The following SPMIP2 variants were observed in gnomAD, a reference collection of about 807,000 sequenced individuals.
The protein encoded by SPMIP2 is protein SPMIP2.
chr4:158,981,514 G>C, the SPMIP2 span, among the ~76,000 whole-genome samples: 1 of 152,158 alleles, frequency 6.6e-6, no homozygotes, highest in East Asian at 1.9e-4. Context: ...TCTCTCTGCA[G>C]AAACCCTACA....
the SPMIP2 span, among the ~76,000 whole-genome samples, chr4:159,009,362 T>C: frequency 6.6e-6 from 1 of 152,202 alleles, no homozygotes; most frequent in African/African-American, 2.4e-5. Flanking sequence ...GGCTTAGCAA[T>C]CTGTCTTAAC....
At chr4:158,919,085 G>C in the SPMIP2 span, among the ~76,000 whole-genome samples, 8 of 152,172 alleles carry the variant, frequency 5.3e-5, no homozygotes, top group African/African-American at 1.9e-4. Context: ...AGTACTGGTT[G>C]TTGACAGGAT....
the SPMIP2 span, chr4:158,960,307 G>A: frequency 6.4e-7 from 1 of 1,560,884 alleles, no homozygotes; most frequent in Middle Eastern, 1.7e-4. Context: ...ATATCTGTGG[G>A]TTATTGAATC....
chr4:158,965,000 A>G, the SPMIP2 span, among the ~76,000 whole-genome samples: 1 of 152,164 alleles, frequency 6.6e-6, no homozygotes, highest in Non-Finnish European at 1.5e-5. Flanking sequence ...TGAGATTTGG[A>G]TGGGGACAAT....
chr4:159,023,314 C>A, the SPMIP2 span, among the ~76,000 whole-genome samples: 1 of 152,150 alleles, frequency 6.6e-6, no homozygotes, highest in South Asian at 2.1e-4. Flanking sequence ...TTGTGCTCCA[C>A]TTGGACCCTC....
the SPMIP2 span, among the ~76,000 whole-genome samples, chr4:158,949,231 G>A: frequency 6.6e-6 from 1 of 152,102 alleles, no homozygotes; most frequent in South Asian, 2.1e-4. Flanking sequence ...TTAATAGACT[G>A]GCCTGCTTTG....
the SPMIP2 span, among the ~76,000 whole-genome samples, chr4:158,991,200 C>A: frequency 3.4e-3 from 498 of 146,696 alleles, 4 homozygotes; most frequent in African/African-American, 0.012. Flanking sequence ...AGCCCCAGAA[C>A]CAAAATGAGT....
At chr4:158,951,532 C>T in the SPMIP2 span, among the ~76,000 whole-genome samples, 7 of 152,194 alleles carry the variant, frequency 4.6e-5, no homozygotes, top group South Asian at 2.1e-4. Flanking sequence ...ACAGATTGAT[C>T]GAATGAAGAA....
chr4:158,999,590 T>C, the SPMIP2 span, among the ~76,000 whole-genome samples: 3 of 152,222 alleles, frequency 2.0e-5, no homozygotes, highest in Non-Finnish European at 4.4e-5. Flanking sequence ...AACAGAATCT[T>C]TACATTTTTT....
chr4:158,905,792 TAA>T, the SPMIP2 span: 4 of 151,844 alleles, frequency 2.6e-5, no homozygotes, highest in African/African-American at 9.7e-5. Flanking sequence ...CAGGGTAAAG[TAA>T]AAGACTTTTA....
the SPMIP2 span, among the ~76,000 whole-genome samples, chr4:159,009,287 C>T: frequency 6.6e-6 from 1 of 152,190 alleles, no homozygotes; most frequent in Non-Finnish European, 1.5e-5. Context: ...CATTGGGGAA[C>T]TTATTAAAAA....
chr4:158,961,578 T>G, the SPMIP2 span, among the ~76,000 whole-genome samples: 3 of 152,154 alleles, frequency 2.0e-5, no homozygotes. Context: ...TATTATCAGC[T>G]TATCCATTGA....
the SPMIP2 span, among the ~76,000 whole-genome samples, chr4:158,962,255 A>G: frequency 2.6e-5 from 4 of 152,312 alleles, no homozygotes; most frequent in African/African-American, 9.6e-5. Context: ...TTTAATCTCT[A>G]GTCTAGTCCT....
the SPMIP2 span, among the ~76,000 whole-genome samples, chr4:159,044,049 G>GT: frequency 5.3e-5 from 8 of 151,914 alleles, no homozygotes; most frequent in African/African-American, 1.9e-4. Flanking sequence ...GAAAATTTTC[G>GT]TTTTTTAGCA....
At chr4:158,952,081 G>A in the SPMIP2 span, among the ~76,000 whole-genome samples, 1 of 152,164 alleles carries the variant, frequency 6.6e-6, no homozygotes, top group African/African-American at 2.4e-5. Context: ...TTAAGGATTT[G>A]TATTTAGGTA....
the SPMIP2 span, chr4:159,038,824 G>A: frequency 6.6e-6 from 1 of 152,402 alleles, no homozygotes; most frequent in Non-Finnish European, 1.5e-5. Flanking sequence ...CAAAAGGCTA[G>A]GAGGGGAGAA....
At chr4:159,017,477 T>C in the SPMIP2 span, among the ~76,000 whole-genome samples, 1 of 151,996 alleles carries the variant, frequency 6.6e-6, no homozygotes, top group Non-Finnish European at 1.5e-5. Context: ...GAGTCTCACT[T>C]CATTGCCCAA....
the SPMIP2 span, among the ~76,000 whole-genome samples, chr4:158,981,662 A>AT: frequency 7.2e-5 from 11 of 152,162 alleles, no homozygotes; most frequent in African/African-American, 1.9e-4. Context: ...ATGCTGAGGG[A>AT]TTTTGTCACC....
chr4:159,040,336 T>A, the SPMIP2 span, among the ~76,000 whole-genome samples: 17 of 151,942 alleles, frequency 1.1e-4, no homozygotes, highest in Admixed American at 9.2e-4. Context: ...CATACCTGGC[T>A]AATTTTTTGC....
Sources: gnomAD v4.1 joint callset for allele counts (sites outside exome capture counted in the v4.1 genomes callset) on GRCh38, gnomAD v4.1.1 for gene constraint, MANE v1.5 for transcripts, NCBI Gene and HGNC (gene_info 2026-07-23, HGNC 2026-07-21) for gene names.